Variants in HS6ST3 observed in about 807,000 individuals in gnomAD.
The protein encoded by HS6ST3 is heparan-sulfate 6-O-sulfotransferase 3.
In HS6ST3, 12 loss-of-function variants were observed where a neutral mutation model predicts 36.7. That is an observed-to-expected ratio of 0.33 (90% CI 0.21 to 0.53). The LOEUF is 0.53. Ranked by LOEUF, HS6ST3 falls within the 20% of genes least tolerant of loss-of-function variation. The pLI is 0.95. For synonymous variants in HS6ST3, 240 were observed against 257.5 expected (o/e 0.93, Z 0.65); for missense variants, 584 against 640.9 (o/e 0.91, Z 0.96).
At chr13:96,240,543 A>C (rs933726020) in intron 1 of HS6ST3, among the ~76,000 whole-genome samples, 6 of 152,310 alleles carry the variant, frequency 3.9e-5, no homozygotes, top group South Asian at 2.1e-4. Context: ...CTTTTATTTA[A>C]GTAGGAATTG....
chr13:96,693,427 C>T (rs1343382886), intron 1 of HS6ST3, among the ~76,000 whole-genome samples: 1 of 152,104 alleles, frequency 6.6e-6, no homozygotes, highest in African/African-American at 2.4e-5. Context: ...GCCTCAGCCT[C>T]CCGAGTAGCT....
chr13:96,401,102 G>A (rs2055448937), intron 1 of HS6ST3, among the ~76,000 whole-genome samples: 1 of 152,172 alleles, frequency 6.6e-6, no homozygotes, highest in Non-Finnish European at 1.5e-5. Context: ...TTAAAATGAT[G>A]TGGAGACTGG....
chr13:96,601,662 T>C (rs2138982638), intron 1 of HS6ST3, among the ~76,000 whole-genome samples: 1 of 152,318 alleles, frequency 6.6e-6, no homozygotes, highest in South Asian at 2.1e-4. Flanking sequence ...AGTATAATCT[T>C]TTGGGGGTGT....
At chr13:96,441,555 A>G (rs768486551) in intron 1 of HS6ST3, among the ~76,000 whole-genome samples, 42 of 152,200 alleles carry the variant, frequency 2.8e-4, no homozygotes, top group Non-Finnish European at 5.1e-4. Context: ...AAAGAGCTAC[A>G]AAAACATGGA....
At chr13:96,117,888 G>A (rs685253) in intron 1 of HS6ST3, among the ~76,000 whole-genome samples, 1 of 146,146 alleles carries the variant, frequency 6.8e-6, no homozygotes, top group African/African-American at 2.5e-5. Context: ...TTTTTTTTTC[G>A]AGATGGAGTC....
intron 1 of HS6ST3, among the ~76,000 whole-genome samples, chr13:96,438,352 A>T (rs1427946546): frequency 6.6e-6 from 1 of 152,240 alleles, no homozygotes; most frequent in African/African-American, 2.4e-5. Flanking sequence ...ATAGTGTTTC[A>T]TCATACTGCA....
At chr13:96,201,139 C>CTCTG (rs1261352720) in intron 1 of HS6ST3, among the ~76,000 whole-genome samples, 1 of 152,186 alleles carries the variant, frequency 6.6e-6, no homozygotes, top group African/African-American at 2.4e-5. Flanking sequence ...TCACTCTGAG[C>CTCTG]TCTGGCATGT....
chr13:96,657,739 C>T (rs1403924071), intron 1 of HS6ST3, among the ~76,000 whole-genome samples: 1 of 152,120 alleles, frequency 6.6e-6, no homozygotes, highest in African/African-American at 2.4e-5. Context: ...TACATGGCAG[C>T]AGACATGGAG....
chr13:96,279,748 A>G (rs946392587), intron 1 of HS6ST3, among the ~76,000 whole-genome samples: 1 of 152,146 alleles, frequency 6.6e-6, no homozygotes, highest in Middle Eastern at 3.2e-3. Context: ...CACATAAAAG[A>G]GTAGTCATTA....
intron 1 of HS6ST3, among the ~76,000 whole-genome samples, chr13:96,523,538 A>G (rs1289019891): frequency 2.6e-5 from 4 of 151,898 alleles, no homozygotes; most frequent in Non-Finnish European, 5.9e-5. Context: ...ACGTAGTCCC[A>G]TATTTGTTGG....
intron 1 of HS6ST3, among the ~76,000 whole-genome samples, chr13:96,604,884 GT>G (rs2056433673): frequency 6.6e-6 from 1 of 152,140 alleles, no homozygotes; most frequent in Non-Finnish European, 1.5e-5. Flanking sequence ...GCAGATGTCG[GT>G]TTAATGGCAT....
intron 1 of HS6ST3, among the ~76,000 whole-genome samples, chr13:96,596,216 A>G (rs2056400960): frequency 6.6e-6 from 1 of 152,092 alleles, no homozygotes; most frequent in South Asian, 2.1e-4. Context: ...TCCATTTCTG[A>G]GTTACTTCAC....
chr13:96,486,885 A>G (rs2055918079), intron 1 of HS6ST3, among the ~76,000 whole-genome samples: 1 of 152,168 alleles, frequency 6.6e-6, no homozygotes, highest in Non-Finnish European at 1.5e-5. Context: ...TTCCGTAGCA[A>G]AAATGCCCTT....
At chr13:96,479,838 C>T (rs2055881811) in intron 1 of HS6ST3, among the ~76,000 whole-genome samples, 1 of 152,172 alleles carries the variant, frequency 6.6e-6, no homozygotes, top group Non-Finnish European at 1.5e-5. Flanking sequence ...TTGCTTCAGC[C>T]TCTGTTACCT....
chr13:96,113,546 C>A (rs1203120167), intron 1 of HS6ST3, among the ~76,000 whole-genome samples: 3 of 152,076 alleles, frequency 2.0e-5, no homozygotes, highest in Non-Finnish European at 4.4e-5. Context: ...GTAAGCAATG[C>A]AAGTAAAATA....
At chr13:96,723,088 T>A (rs561652521) in intron 1 of HS6ST3, among the ~76,000 whole-genome samples, 2 of 152,146 alleles carry the variant, frequency 1.3e-5, no homozygotes, top group Non-Finnish European at 2.9e-5. Context: ...GTATACCCAA[T>A]GTCTCTGTTA....
chr13:96,700,545 T>C (rs1048290457), intron 1 of HS6ST3, among the ~76,000 whole-genome samples: 1 of 152,214 alleles, frequency 6.6e-6, no homozygotes, highest in Non-Finnish European at 1.5e-5. Context: ...TCCTTTTACA[T>C]TCTTTTTATT....
intron 1 of HS6ST3, among the ~76,000 whole-genome samples, chr13:96,170,781 A>C (rs972955589): frequency 6.6e-6 from 1 of 152,216 alleles, no homozygotes. Context: ...GGGTTGTGAA[A>C]GCTCAAAAAC....
intron 1 of HS6ST3, among the ~76,000 whole-genome samples, chr13:96,609,082 G>A (rs1290284308): frequency 6.6e-6 from 1 of 151,974 alleles, no homozygotes; most frequent in Non-Finnish European, 1.5e-5. Flanking sequence ...CCATTCTCCT[G>A]CCTCAGCCTC....
Sources: allele counts gnomAD v4.1 joint callset (sites outside exome capture counted in the v4.1 genomes callset), GRCh38; gene constraint gnomAD v4.1.1; transcripts MANE v1.5; gene names NCBI Gene and HGNC (gene_info 2026-07-23, HGNC 2026-07-21).